The following ZFAT variants were observed in gnomAD, a reference collection of about 807,000 sequenced individuals.
The protein encoded by ZFAT is zinc finger protein ZFAT.
Under a neutral mutation model 117.7 loss-of-function variants are expected in ZFAT, and 64 were observed. The observed-to-expected ratio is 0.54, with a 90% confidence interval of 0.44 to 0.67. ZFAT has a LOEUF of 0.67. Ranked by LOEUF, ZFAT falls within the 30% of genes least tolerant of loss-of-function variation. ZFAT has a pLI of 0.00. For missense variants in ZFAT, 1,433 were observed against 1,584.5 expected, an observed-to-expected ratio of 0.90 and a Z score of 1.62; for synonymous variants, 679 against 615.0, an observed-to-expected ratio of 1.10 and a Z score of -1.54.
intron 1 of ZFAT, among the ~76,000 whole-genome samples, chr8:134,665,660 G>A (rs34846373): frequency 0.33 from 49,798 of 152,046 alleles, 8,783 homozygotes; most frequent in South Asian, 0.43. Context: ...GACAGCCCCC[G>A]AGCATTCCCT....
intron 1 of ZFAT, among the ~76,000 whole-genome samples, chr8:134,675,500 G>T (rs896135476): frequency 6.6e-6 from 1 of 152,228 alleles, no homozygotes. Context: ...GAAAGTGATA[G>T]AGAGAATGGA....
At chr8:134,752,860 C>T in the ZFAT span, among the ~76,000 whole-genome samples, 1 of 152,102 alleles carries the variant, frequency 6.6e-6, no homozygotes, top group African/African-American at 2.4e-5. Context: ...CATCTAAGCC[C>T]AAGTACCTCC....
the ZFAT span, among the ~76,000 whole-genome samples, chr8:134,823,088 C>T: frequency 2.6e-5 from 4 of 152,166 alleles, no homozygotes; most frequent in Non-Finnish European, 5.9e-5. Flanking sequence ...CTGTTGTGGA[C>T]ACTACCAACA....
chr8:134,634,025 A>G (rs1441578600), intron 3 of ZFAT, among the ~76,000 whole-genome samples: 1 of 151,900 alleles, frequency 6.6e-6, no homozygotes, highest in Non-Finnish European at 1.5e-5. Context: ...CAGCCTAGGC[A>G]ACAAGAGCAA....
chr8:134,511,029 C>G (rs1360108344), intron 14 of ZFAT: 1 of 152,418 alleles, frequency 6.6e-6, no homozygotes, highest in African/African-American at 2.4e-5. Flanking sequence ...CCAGGCCATA[C>G]CCCAGGGAGC....
At chr8:134,519,797 T>C (rs553833055) in intron 13 of ZFAT, among the ~76,000 whole-genome samples, 3 of 152,312 alleles carry the variant, frequency 2.0e-5, no homozygotes, top group African/African-American at 7.2e-5. Context: ...CCCAGTGAAG[T>C]AAGATGCTGG....
chr8:134,551,678 T>G (rs77888370), intron 11 of ZFAT, among the ~76,000 whole-genome samples: 1,883 of 152,336 alleles, frequency 0.012, 35 homozygotes, highest in African/African-American at 0.043. Context: ...TGCTTTCACT[T>G]CCTTGCTGAC....
At chr8:134,564,870 C>T (rs138472209) in intron 11 of ZFAT, 82 of 944,178 alleles carry the variant, frequency 8.7e-5, no homozygotes, top group Non-Finnish European at 1.1e-4. Context: ...ATGCCACCAT[C>T]TCCTGAGCCC....
chr8:134,592,055 C>T (rs1311752880), intron 7 of ZFAT, among the ~76,000 whole-genome samples: 1 of 152,218 alleles, frequency 6.6e-6, no homozygotes, highest in Non-Finnish European at 1.5e-5. Flanking sequence ...AGAACTACCA[C>T]TGCAAGGAAA....
intron 3 of ZFAT, among the ~76,000 whole-genome samples, chr8:134,614,966 G>A (rs772563700): frequency 5.3e-5 from 8 of 152,184 alleles, no homozygotes; most frequent in Non-Finnish European, 7.3e-5. Context: ...GTTGCAGGGA[G>A]AAAAGAAGGA....
Position 134,590,313 on chromosome 8 carries a change from A to G in ZFAT, c.2518T>C (p.Ser840Pro). Reference protein sequence around the residue: ...YSCPVCEKSFSEDRLIKSHIK... With the variant: ...YSCPVCEKSFPEDRLIKSHIK... ...TGTGACTTTATCAATCGATCCTCTG[A>G]AAAAGACTTTTCACAAACAGGACAA... The change falls in exon 8 of 16, where the codon TCA becomes CCA. Residue 840 changes from serine (S) to proline (P), a missense_variant. This residue lies in a region of ZFAT where 503 missense variants were observed against 543.4 expected (regional missense o/e 0.93). Transcript: ENST00000377838. 1 of 1,613,426 alleles carries G rather than the reference A, an allele frequency of 6.2e-7. No individual in the cohort carries two copies.
chr8:134,525,839 A>C (rs1324415842), intron 12 of ZFAT, among the ~76,000 whole-genome samples: 1 of 152,266 alleles, frequency 6.6e-6, no homozygotes, highest in Non-Finnish European at 1.5e-5. Context: ...ATTCTGCTGA[A>C]AAGACAGCTC....
intron 2 of ZFAT, among the ~76,000 whole-genome samples, chr8:134,639,370 A>G (rs1452564338): frequency 2.6e-5 from 4 of 152,248 alleles, no homozygotes; most frequent in African/African-American, 9.6e-5. Context: ...TGAGTGGGTC[A>G]GCCTTGGCTG....
the ZFAT span, among the ~76,000 whole-genome samples, chr8:134,733,807 G>A: frequency 6.6e-6 from 1 of 152,194 alleles, no homozygotes; most frequent in Admixed American, 6.5e-5. Flanking sequence ...GGGATGTTTT[G>A]TGCATGGAAC....
At chr8:134,537,162 G>A (rs940786667) in intron 11 of ZFAT, among the ~76,000 whole-genome samples, 1 of 152,226 alleles carries the variant, frequency 6.6e-6, no homozygotes, top group African/African-American at 2.4e-5. Flanking sequence ...CTCACATCAA[G>A]CTCATATGGT....
intron 10 of ZFAT, among the ~76,000 whole-genome samples, chr8:134,573,682 T>C (rs1466163672): frequency 6.6e-6 from 1 of 152,234 alleles, no homozygotes; most frequent in East Asian, 1.9e-4. Flanking sequence ...ATTTCCATTG[T>C]TTCTGTTCAT....
chr8:134,481,335 C>T (rs185484970), intron 15 of ZFAT, among the ~76,000 whole-genome samples: 2 of 152,314 alleles, frequency 1.3e-5, no homozygotes, highest in East Asian at 3.9e-4. Flanking sequence ...CAGGGCTTCA[C>T]ATGTGCAAAC....
chr8:134,736,004 G>T, the ZFAT span, among the ~76,000 whole-genome samples: 1 of 152,090 alleles, frequency 6.6e-6, no homozygotes, highest in Non-Finnish European at 1.5e-5. Context: ...AGTCAAGCAG[G>T]CAAGGTTAAG....
chr8:134,701,387 T>C (rs1189367414), intron 1 of ZFAT, among the ~76,000 whole-genome samples: 2 of 152,388 alleles, frequency 1.3e-5, no homozygotes, highest in African/African-American at 4.8e-5. Flanking sequence ...CTTTATTCTA[T>C]GTATACATTA....
Sources: allele counts gnomAD v4.1 joint callset (sites outside exome capture counted in the v4.1 genomes callset), GRCh38; gene constraint gnomAD v4.1.1; regional missense constraint gnomAD v4.1.1; transcripts MANE v1.5; gene names NCBI Gene and HGNC (gene_info 2026-07-23, HGNC 2026-07-21).